The following ARMC9 variants were observed in gnomAD, a reference collection of about 807,000 sequenced individuals.
ARMC9 encodes lisH domain-containing protein ARMC9.
In ARMC9, 94 loss-of-function variants were observed where a neutral mutation model predicts 107.0. The observed-to-expected ratio is 0.88, with a 90% CI of 0.74 to 1.04. ARMC9 has a LOEUF of 1.04. Among genes scored for constraint, ARMC9 ranks in the 50% least tolerant of loss-of-function variants. ARMC9 has a pLI of 0.00. For synonymous variants in ARMC9, 380 were observed against 396.9 expected (o/e 0.96, Z 0.51); for missense variants, 942 against 1,030.1 (o/e 0.91, Z 1.17).
rs563720285 is a variant in ARMC9, at chr2:231,281,018, TG to T, written c.1552-1039del. 1.2e-3 allele frequency among the ~76,000 whole-genome samples: 177 copies of T among 152,320 alleles called. 1 individual carries two copies. Among genetic ancestry groups the T allele is most frequent in the African/African-American group, 4.1e-3 (171 of 41,566 alleles). On this transcript the variant is annotated intron_variant, in intron 16 of 24. Transcript: ENST00000611582. ...GGAAACGAGCCCTCCTCCATTGCTG[TG>T]GCAGGCACAGCGTACAGCCTGCTGA...
At chr2:231,288,301 G>A (rs2040748012) in intron 17 of ARMC9, among the ~76,000 whole-genome samples, 1 of 152,194 alleles carries the variant, frequency 6.6e-6, no homozygotes, top group African/African-American at 2.4e-5. Context: ...GTACATAAAA[G>A]GAAGGAAATA....
At chr2:231,278,255 T>C in intron 15 of ARMC9, 127 bp from the exon 16 acceptor site, 2 of 859,616 alleles carry the variant, frequency 2.3e-6, no homozygotes, top group Middle Eastern at 2.2e-4. Flanking sequence ...CCCGAGGTCA[T>C]ACAGCTCACC....
intron 18 of ARMC9, 42 bp downstream of exon 18, chr2:231,291,485 T>C (rs775312200): frequency 4.6e-5 from 73 of 1,580,084 alleles, no homozygotes; most frequent in Non-Finnish European, 4.0e-5. Context: ...TTTTGAATTA[T>C]TCACATTTGC....
At chr2:231,272,168 G>T (rs965595926) in intron 13 of ARMC9, among the ~76,000 whole-genome samples, 2 of 143,240 alleles carry the variant, frequency 1.4e-5, no homozygotes, top group African/African-American at 5.2e-5. Flanking sequence ...TGGGGGTTTT[G>T]TGTGTGTGTG....
chr2:231,343,627 C>T (rs937964622), intron 20 of ARMC9, among the ~76,000 whole-genome samples: 6 of 152,096 alleles, frequency 3.9e-5, no homozygotes, highest in African/African-American at 1.4e-4. Flanking sequence ...CCTTTTTAAA[C>T]AGTTTTTCTT....
In ARMC9 at chr2:231,262,302, C is replaced by T. The variant is rs1290286587; in HGVS notation, c.1027-4C>T. 3 of 1,613,942 alleles carry T rather than the reference C, an allele frequency of 1.9e-6. No homozygotes were observed. In the African/African-American group the frequency reaches 4.0e-5, roughly 22 times the overall value. ...CTCACTACTTTTGTTTTTCTTTGCT[C>T]CAGCGCTTGACCACATCCCATCCTG... On this transcript the variant is annotated splice_region_variant and splice_polypyrimidine_tract_variant and intron_variant, in intron 11 of 24. Transcript: ENST00000611582.
rs572785486 is a variant in ARMC9 at position 231,352,011 on chromosome 2, C to T, written c.1995-3787C>T. The stretch of plus-strand genomic sequence containing the variant: ...AAGACAGCATCTCGCTCTGTCACCC[C>T]GGCTGGAGTATAGCGGCACAATCAC... On this transcript the variant is annotated intron_variant, in intron 21 of 24. Transcript: ENST00000611582. Among the ~76,000 whole-genome samples the T allele has an allele frequency of 9.9e-5, 15 of 152,110 alleles. No individual in the cohort carries two copies. In the East Asian group the frequency reaches 2.7e-3, roughly 27 times the overall value.
intron 3 of ARMC9, among the ~76,000 whole-genome samples, chr2:231,211,286 C>T (rs1014033251): frequency 3.3e-5 from 5 of 151,190 alleles, no homozygotes; most frequent in African/African-American, 7.3e-5. Flanking sequence ...TTTGGGAGGC[C>T]GAGGTGGGCA....
chr2:231,241,223 A>C (rs1448724246), intron 9 of ARMC9, among the ~76,000 whole-genome samples: 1 of 150,930 alleles, frequency 6.6e-6, no homozygotes, highest in Non-Finnish European at 1.5e-5. Context: ...AAAATAGAAC[A>C]TTTCTCCTTT....
intron 21 of ARMC9, among the ~76,000 whole-genome samples, chr2:231,353,874 C>T (rs1215964582): frequency 1.3e-5 from 2 of 152,060 alleles, no homozygotes; most frequent in East Asian, 1.9e-4. Context: ...ACCCTGCCCC[C>T]TCCACACTAC....
chr2:231,216,571 G>A, intron 4 of ARMC9, 67 bp from the exon 5 acceptor site: 4 of 1,532,040 alleles, frequency 2.6e-6, no homozygotes, highest in Non-Finnish European at 3.5e-6. Flanking sequence ...TCAGAGAGAG[G>A]ATGGGGTGAG....
intron 21 of ARMC9, among the ~76,000 whole-genome samples, chr2:231,347,357 A>G (rs1184921385): frequency 1.3e-5 from 2 of 152,202 alleles, no homozygotes; most frequent in Non-Finnish European, 2.9e-5. Context: ...GCAGAAATCA[A>G]TAAGATGTGA....
intron 19 of ARMC9, among the ~76,000 whole-genome samples, chr2:231,328,883 C>T (rs1273487563): frequency 6.8e-6 from 1 of 146,410 alleles, no homozygotes; most frequent in South Asian, 2.2e-4. Context: ...GGGACAATCT[C>T]GGCTCACTGC....
intron 17 of ARMC9, among the ~76,000 whole-genome samples, chr2:231,290,956 T>G (rs891934390): frequency 6.6e-6 from 1 of 151,710 alleles, no homozygotes; most frequent in Non-Finnish European, 1.5e-5. Context: ...AATAGTTTTT[T>G]TTTTTTTTTT....
intron 20 of ARMC9, among the ~76,000 whole-genome samples, chr2:231,339,752 T>C (rs1420582901): frequency 1.3e-5 from 2 of 152,206 alleles, no homozygotes; most frequent in African/African-American, 4.8e-5. Flanking sequence ...GCCAACACGG[T>C]GAAACCGTAT....
At chr2:231,226,137 G>A (rs945955392) in intron 6 of ARMC9, among the ~76,000 whole-genome samples, 4 of 152,230 alleles carry the variant, frequency 2.6e-5, no homozygotes, top group East Asian at 1.9e-4. Flanking sequence ...GATTACAGGC[G>A]TGAGCCACCA....
intron 9 of ARMC9, chr2:231,256,086 G>A (rs2037766359): frequency 2.6e-6 from 4 of 1,545,542 alleles, no homozygotes; most frequent in East Asian, 2.4e-5. Context: ...GACCGCCGCC[G>A]CGCCGCCATC....
Position 231,254,660 on chromosome 2 carries a change from A to AAAAAAATTG in ARMC9, c.880-1920_880-1919insTTGAAAAAA, listed in dbSNP as rs1345785686. On this transcript the variant is annotated intron_variant, in intron 9 of 24. Coordinates refer to ENST00000611582, the MANE Select transcript of ARMC9 (RefSeq NM_001352754.2). ...ATAGTGAGACCCTATCTATAAAAAA[A>AAAAAAATTG]AAAAAAATTGAAAAAAATTGAAAAA... 1.6e-3 allele frequency among the ~76,000 whole-genome samples: 250 copies of AAAAAAATTG among 151,920 alleles called. 1 individual carries two copies. The highest frequency in any genetic ancestry group is 5.8e-3 in the African/African-American group (242 of 41,370).
At chr2:231,262,215 C>A in intron 11 of ARMC9, 91 bp from the exon 12 acceptor site, 2 of 1,161,298 alleles carry the variant, frequency 1.7e-6, no homozygotes, top group Non-Finnish European at 2.6e-6. Flanking sequence ...TGTGTAGGTA[C>A]TGATACTGCC....
Sources: gnomAD v4.1 joint callset for allele counts (sites outside exome capture counted in the v4.1 genomes callset) on GRCh38, gnomAD v4.1.1 for gene constraint, MANE v1.5 for transcripts, NCBI Gene and HGNC (gene_info 2026-07-23, HGNC 2026-07-21) for gene names.